The following ZNF892 variants were observed in gnomAD, a reference collection of about 807,000 sequenced individuals.
ZNF892 encodes the protein zinc finger protein 570-like.
the ZNF892 span, among the ~76,000 whole-genome samples, chr2:95,245,129 A>T: frequency 6.6e-6 from 1 of 152,190 alleles, no homozygotes; most frequent in South Asian, 2.1e-4. Context: ...AGCTAAAAGA[A>T]CTAGAGAACC....
At chr2:95,260,696 C>T in the ZNF892 span, among the ~76,000 whole-genome samples, 1 of 152,176 alleles carries the variant, frequency 6.6e-6, no homozygotes, top group Non-Finnish European at 1.5e-5. Context: ...AGTAAAGGGC[C>T]CATTTCTGTC....
the ZNF892 span, among the ~76,000 whole-genome samples, chr2:95,249,494 G>A: frequency 3.5e-4 from 53 of 150,380 alleles, no homozygotes; most frequent in African/African-American, 1.1e-3. Context: ...TGATCCGCCC[G>A]CCTTAGCCTC....
the ZNF892 span, among the ~76,000 whole-genome samples, chr2:95,242,184 A>G: frequency 2.6e-5 from 4 of 152,210 alleles, no homozygotes; most frequent in Admixed American, 6.5e-5. Flanking sequence ...TCTAAGACAT[A>G]TAATCATCAG....
At chr2:95,213,707 A>G in the ZNF892 span, among the ~76,000 whole-genome samples, 1 of 152,188 alleles carries the variant, frequency 6.6e-6, no homozygotes, top group Admixed American at 6.5e-5. Context: ...CTTTGTGGTC[A>G]TTTGAGTTTG....
At chr2:95,227,385 G>A in the ZNF892 span, among the ~76,000 whole-genome samples, 35 of 151,896 alleles carry the variant, frequency 2.3e-4, no homozygotes, top group East Asian at 5.8e-4. Flanking sequence ...ATGCAGTGGC[G>A]CAATCATGGC....
At chr2:95,233,097 G>C in the ZNF892 span, among the ~76,000 whole-genome samples, 1 of 152,098 alleles carries the variant, frequency 6.6e-6, no homozygotes, top group Non-Finnish European at 1.5e-5. Flanking sequence ...TTATTTTCTG[G>C]AAGCACACCT....
At chr2:95,211,869 A>G in the ZNF892 span, 1 of 397,008 alleles carries the variant, frequency 2.5e-6, no homozygotes, top group Admixed American at 4.4e-5. Context: ...GTTTCTGGAT[A>G]TAGTTTTAAC....
the ZNF892 span, among the ~76,000 whole-genome samples, chr2:95,228,120 C>T: frequency 2.0e-5 from 3 of 152,214 alleles, no homozygotes; most frequent in Non-Finnish European, 4.4e-5. Flanking sequence ...CTTTCCACCT[C>T]GTTTTGTCTT....
chr2:95,236,099 A>G, the ZNF892 span, among the ~76,000 whole-genome samples: 2 of 152,214 alleles, frequency 1.3e-5, no homozygotes, highest in African/African-American at 4.8e-5. Context: ...TACTGATTCC[A>G]CGAAGTCACC....
At chr2:95,213,672 G>T in the ZNF892 span, among the ~76,000 whole-genome samples, 5 of 152,150 alleles carry the variant, frequency 3.3e-5, no homozygotes, top group African/African-American at 1.2e-4. Flanking sequence ...AATCAGAGGT[G>T]ATTAGTTGCT....
At chr2:95,262,701 C>T in the ZNF892 span, among the ~76,000 whole-genome samples, 9 of 152,110 alleles carry the variant, frequency 5.9e-5, no homozygotes, top group Non-Finnish European at 8.8e-5. Flanking sequence ...ATGGTGCTGC[C>T]GGGACAGCCC....
chr2:95,233,689 A>AAT, the ZNF892 span, among the ~76,000 whole-genome samples: 2 of 149,492 alleles, frequency 1.3e-5, no homozygotes, highest in South Asian at 4.2e-4. Context: ...AAAAAAAAAA[A>AAT]AAAAAAAAAA....
the ZNF892 span, among the ~76,000 whole-genome samples, chr2:95,226,224 A>G: frequency 6.6e-6 from 1 of 152,232 alleles, no homozygotes; most frequent in African/African-American, 2.4e-5. Context: ...CTAGGGCTAC[A>G]TTTAAGATCA....
the ZNF892 span, among the ~76,000 whole-genome samples, chr2:95,253,853 A>G: frequency 2.6e-5 from 4 of 152,156 alleles, no homozygotes; most frequent in Non-Finnish European, 5.9e-5. Flanking sequence ...GCAATTGTGA[A>G]TGGGAGTTCA....
At chr2:95,219,181 T>C in the ZNF892 span, among the ~76,000 whole-genome samples, 1 of 151,492 alleles carries the variant, frequency 6.6e-6, no homozygotes, top group East Asian at 1.9e-4. Context: ...TTTTTTTTTG[T>C]ATTTTTAGTA....
At chr2:95,224,755 C>G in the ZNF892 span, among the ~76,000 whole-genome samples, 1 of 152,174 alleles carries the variant, frequency 6.6e-6, no homozygotes, top group Admixed American at 6.5e-5. Flanking sequence ...GCAGCTTGAT[C>G]CCCAGTGAGG....
the ZNF892 span, among the ~76,000 whole-genome samples, chr2:95,243,818 G>A: frequency 7.9e-5 from 12 of 152,282 alleles, no homozygotes; most frequent in South Asian, 2.1e-4. Context: ...CCCTCTGCCC[G>A]GCCACCACCC....
At chr2:95,211,622 T>C in the ZNF892 span, 19 of 398,438 alleles carry the variant, frequency 4.8e-5, no homozygotes, top group Non-Finnish European at 8.0e-5. Flanking sequence ...TTTCAGGAAT[T>C]GATGATCAGG....
the ZNF892 span, among the ~76,000 whole-genome samples, chr2:95,212,034 A>G: frequency 7.2e-5 from 11 of 152,290 alleles, no homozygotes; most frequent in South Asian, 2.3e-3. Flanking sequence ...TAAAATTGAT[A>G]AGGGACTCAA....
Sources: allele counts gnomAD v4.1 joint callset (sites outside exome capture counted in the v4.1 genomes callset), GRCh38; gene constraint gnomAD v4.1.1; transcripts MANE v1.5; gene names NCBI Gene and HGNC (gene_info 2026-07-23, HGNC 2026-07-21).